Variants in SLC25A21 observed in about 807,000 individuals in gnomAD.
SLC25A21 encodes mitochondrial 2-oxodicarboxylate carrier.
A neutral mutation model predicts 43.8 loss-of-function variants in SLC25A21; 47 were observed. The observed-to-expected ratio is 1.07, with a 90% confidence interval of 0.85 to 1.37. The LOEUF (loss-of-function observed/expected upper bound fraction) is 1.37. Ranked by LOEUF, SLC25A21 falls within the 40% of genes most tolerant of loss-of-function variation. SLC25A21 has a pLI of 0.00. For missense variants in SLC25A21, 352 were observed against 350.2 expected (o/e 1.00, Z -0.04); for synonymous variants, 131 against 121.3 (o/e 1.08, Z -0.52).
chr14:37,166,607 A>C (rs980182253), intron 1 of SLC25A21, among the ~76,000 whole-genome samples: 3 of 152,268 alleles, frequency 2.0e-5, no homozygotes, highest in African/African-American at 7.2e-5. Flanking sequence ...TCCGGCATTT[A>C]GTATTTACTC....
rs189962199 is a variant in SLC25A21 at position 36,834,979 on chromosome 14, C to T, written c.120-20978G>A. ...TGCAAATGTGAACTGGGAAATCAGA[C>T]TTTTTGTTCTTATAGATTTGTCCAG... On this transcript the variant is annotated intron_variant, in intron 2 of 9. Transcript: ENST00000331299. Among the ~76,000 whole-genome samples the T allele has an allele frequency of 2.5e-3, 378 of 152,280 alleles. 1 individual carries two copies. Among genetic ancestry groups the T allele is most frequent in the Non-Finnish European group, 4.5e-3 (306 of 68,014 alleles).
intron 1 of SLC25A21, among the ~76,000 whole-genome samples, chr14:36,956,049 T>C (rs929394816): frequency 4.6e-5 from 7 of 152,200 alleles, no homozygotes; most frequent in African/African-American, 1.7e-4. Context: ...CAGGCCATTT[T>C]TTTCAACTTT....
chr14:36,825,302 T>C (rs926221033), intron 2 of SLC25A21, among the ~76,000 whole-genome samples: 3 of 152,202 alleles, frequency 2.0e-5, no homozygotes, highest in African/African-American at 7.2e-5. Flanking sequence ...ATGCCTTTAA[T>C]AATAAACATT....
chr14:36,974,539 C>T (rs574135454), intron 1 of SLC25A21, among the ~76,000 whole-genome samples: 2 of 152,264 alleles, frequency 1.3e-5, no homozygotes, highest in Admixed American at 1.3e-4. Context: ...GCTATGAAAA[C>T]TTACTTGCCC....
intron 9 of SLC25A21, among the ~76,000 whole-genome samples, chr14:36,682,740 C>CA (rs35187486): frequency 0.36 from 53,945 of 151,740 alleles, 10,173 homozygotes; most frequent in East Asian, 0.6. Context: ...GGGCCAATAA[C>CA]TAACGGAAGG....
chr14:36,733,122 A>G lies in SLC25A21; in HGVS notation c.270+1385T>C, dbSNP rs113330483. 2.7e-3 allele frequency among the ~76,000 whole-genome samples: 408 copies of G among 152,328 alleles called. 1 individual carries two copies. The highest frequency in any genetic ancestry group is 9.6e-3 in the African/African-American group (397 of 41,568). On this transcript the variant is annotated intron_variant, in intron 4 of 9. Coordinates refer to ENST00000331299, the MANE Select transcript of SLC25A21 (RefSeq NM_030631.4). ...ATTGTCTCCAACACATAATATTAAGAAAAAAATATTCCAGGAAAAACTCTA... is the reference window on the plus strand; with the variant it reads ...ATTGTCTCCAACACATAATATTAAGGAAAAAATATTCCAGGAAAAACTCTA...
At chr14:36,769,257 T>A (rs969942774) in intron 3 of SLC25A21, among the ~76,000 whole-genome samples, 1 of 152,224 alleles carries the variant, frequency 6.6e-6, no homozygotes, top group African/African-American at 2.4e-5. Context: ...CTTTTGAATA[T>A]TTCTATTCTA....
intron 1 of SLC25A21, among the ~76,000 whole-genome samples, chr14:36,942,900 T>C (rs989990433): frequency 7.9e-5 from 12 of 152,210 alleles, no homozygotes; most frequent in Admixed American, 1.3e-4. Flanking sequence ...TTTTCCTTCA[T>C]GGCACTTTTT....
Position 36,680,001 on chromosome 14 carries a change from T to TTAA in SLC25A21, c.*656_*657insTTA. 1.2e-6 allele frequency: 1 copy of TTAA among 814,642 alleles called. No individual in the cohort carries two copies. The highest frequency in any genetic ancestry group is 1.4e-6 in the Non-Finnish European group (1 of 702,120). 50.5% of individuals were successfully genotyped at this position (814,642 alleles called of 1,614,324 possible). ...TTAAACAATGTTTTAAAATACCTAT[T>TTAA]TATTATCTTACAGCAATATGAGATA... On this transcript the variant is annotated 3_prime_UTR_variant, in exon 10 of 10. Coordinates refer to ENST00000331299, the MANE Select transcript of SLC25A21 (RefSeq NM_030631.4).
intron 7 of SLC25A21, among the ~76,000 whole-genome samples, chr14:36,704,256 T>C (rs1332448746): frequency 6.6e-6 from 1 of 152,210 alleles, no homozygotes; most frequent in Non-Finnish European, 1.5e-5. Flanking sequence ...GGTCTGAGCA[T>C]GGCAGAAAGA....
chr14:36,896,935 T>A (rs1188581161), intron 1 of SLC25A21, among the ~76,000 whole-genome samples: 1 of 152,206 alleles, frequency 6.6e-6, no homozygotes, highest in Non-Finnish European at 1.5e-5. Context: ...CTTCCCTTTG[T>A]GGGTAACCCG....
chr14:36,854,968 T>C (rs989874511), intron 2 of SLC25A21, among the ~76,000 whole-genome samples: 7 of 148,890 alleles, frequency 4.7e-5, no homozygotes, highest in Non-Finnish European at 7.4e-5. Flanking sequence ...GGAATTGGAG[T>C]GGTGGCAGCA....
At chr14:36,983,439 C>CTTACATTAT (rs1555340290) in intron 1 of SLC25A21, among the ~76,000 whole-genome samples, 6,433 of 120,782 alleles carry the variant, frequency 0.053, 448 homozygotes, top group African/African-American at 0.23. Context: ...CCCTCAGAAG[C>CTTACATTAT]TTCTACTTTT....
At chr14:37,038,737 C>A (rs904024621) in intron 1 of SLC25A21, among the ~76,000 whole-genome samples, 2 of 152,140 alleles carry the variant, frequency 1.3e-5, no homozygotes, top group African/African-American at 4.8e-5. Context: ...ACTAAATCTG[C>A]TTTAGTTGTT....
intron 7 of SLC25A21, among the ~76,000 whole-genome samples, chr14:36,705,010 A>G (rs1462711246): frequency 6.6e-6 from 1 of 152,194 alleles, no homozygotes; most frequent in Non-Finnish European, 1.5e-5. Context: ...TAAAACGTCA[A>G]GAACTTCAAG....
At chr14:37,077,170 C>G (rs1347918314) in intron 1 of SLC25A21, among the ~76,000 whole-genome samples, 1 of 152,150 alleles carries the variant, frequency 6.6e-6, no homozygotes, top group Non-Finnish European at 1.5e-5. Flanking sequence ...GCTGAGATAT[C>G]ATTTAGTCTA....
chr14:36,791,326 C>G (rs1887477186), intron 3 of SLC25A21, among the ~76,000 whole-genome samples: 1 of 152,098 alleles, frequency 6.6e-6, no homozygotes, highest in Non-Finnish European at 1.5e-5. Flanking sequence ...TATTTTTATT[C>G]ATTACTTATT....
At chr14:36,759,046 C>G (rs1220643463) in intron 3 of SLC25A21, among the ~76,000 whole-genome samples, 2 of 152,118 alleles carry the variant, frequency 1.3e-5, no homozygotes, top group Non-Finnish European at 2.9e-5. Context: ...GAGATGAAAC[C>G]CTGAGTCCCA....
chr14:36,896,203 G>C (rs1297845703), intron 1 of SLC25A21, among the ~76,000 whole-genome samples: 1 of 152,126 alleles, frequency 6.6e-6, no homozygotes, highest in African/African-American at 2.4e-5. Flanking sequence ...CTAAGGACTT[G>C]CTTTATGAAT....
Sources: gnomAD v4.1 joint callset for allele counts (sites outside exome capture counted in the v4.1 genomes callset) on GRCh38, gnomAD v4.1.1 for gene constraint, MANE v1.5 for transcripts, NCBI Gene and HGNC (gene_info 2026-07-23, HGNC 2026-07-21) for gene names.